Variants in ADAM10 observed in about 807,000 individuals in gnomAD.
ADAM10 encodes the protein disintegrin and metalloproteinase domain-containing protein 10.
A neutral mutation model predicts 90.1 loss-of-function variants in ADAM10; 17 were observed. That is an observed-to-expected ratio of 0.19 (90% confidence interval 0.13 to 0.28). The LOEUF is 0.28. ADAM10 is among the 10% of genes least tolerant of loss of function. The pLI is 1.00. For missense variants in ADAM10, 610 were observed against 914.3 expected, an observed-to-expected ratio of 0.67 and a Z score of 4.29; for synonymous variants, 310 against 298.6, an observed-to-expected ratio of 1.04 and a Z score of -0.40.
At chr15:58,663,117 TACTC>T (rs1328889928) in intron 5 of ADAM10, among the ~76,000 whole-genome samples, 5 of 152,358 alleles carry the variant, frequency 3.3e-5, no homozygotes, top group Middle Eastern at 3.4e-3. Context: ...AGATATCAGT[TACTC>T]TATCACAGCT....
intron 1 of ADAM10, among the ~76,000 whole-genome samples, chr15:58,728,677 T>C (rs1338717649): frequency 6.6e-6 from 1 of 152,156 alleles, no homozygotes; most frequent in African/African-American, 2.4e-5. Context: ...ATAAAATTTA[T>C]AAAGTTACAA....
intron 1 of ADAM10, among the ~76,000 whole-genome samples, chr15:58,719,368 T>C (rs550492802): frequency 2.0e-5 from 3 of 152,286 alleles, no homozygotes; most frequent in Admixed American, 2.0e-4. Context: ...CCTGGTTTCC[T>C]TGTTTCCTTT....
Position 58,592,732 on chromosome 15 carries a change from T to C in ADAM10, c.*4815A>G, listed in dbSNP as rs540357994. 6.7e-6 allele frequency: 1 copy of C among 148,994 alleles called. No individual in the cohort carries two copies. The allele number at this position is 148,994 out of a possible 1,614,324, so 9.2% of individuals were successfully genotyped here. A position where few individuals can be genotyped will look rare whatever the true frequency, so the allele number is the denominator to read the frequency against. ...ATGTGGCTGCATATATGTGGATTTC[T>C]AAGGATGGGACTCTGATTTAATATA... On this transcript the variant is annotated 3_prime_UTR_variant, in exon 16 of 16. Coordinates refer to ENST00000260408, the MANE Select transcript of ADAM10 (RefSeq NM_001110.4).
At chr15:58,734,345 A>C (rs992649878) in intron 1 of ADAM10, among the ~76,000 whole-genome samples, 2 of 152,222 alleles carry the variant, frequency 1.3e-5, no homozygotes, top group African/African-American at 2.4e-5. Context: ...GGTTTGAGTG[A>C]TATGTAACAA....
chr15:58,690,106 A>G (rs1472133424), intron 2 of ADAM10, among the ~76,000 whole-genome samples: 3 of 152,210 alleles, frequency 2.0e-5, no homozygotes, highest in Non-Finnish European at 4.4e-5. Flanking sequence ...AAAATCATCA[A>G]TGTAATTCAC....
chr15:58,699,772 T>C (rs1204143244), intron 2 of ADAM10, among the ~76,000 whole-genome samples: 1 of 151,966 alleles, frequency 6.6e-6, no homozygotes, highest in Admixed American at 6.6e-5. Flanking sequence ...TGAGAGCCCA[T>C]CTCAAAAAAG....
chr15:58,642,088 T>C (rs1043592240), intron 7 of ADAM10, among the ~76,000 whole-genome samples: 2 of 152,244 alleles, frequency 1.3e-5, no homozygotes, highest in African/African-American at 2.4e-5. Context: ...TAGTCCATGC[T>C]TGAAGACATG....
Position 58,622,658 on chromosome 15 carries a change from T to C in ADAM10, c.1361-1037A>G, listed in dbSNP as rs555064343. The stretch of plus-strand genomic sequence containing the variant: ...TGTATTCTCACAGACCTTAATGGTA[T>C]TGAGCCAGATCTTGGTTGATTAAGA... On this transcript the variant is annotated intron_variant, in intron 10 of 15. Coordinates refer to ENST00000260408, the MANE Select transcript of ADAM10 (RefSeq NM_001110.4). Among the ~76,000 whole-genome samples the C allele has an allele frequency of 5.4e-4, 83 of 152,332 alleles. 1 individual carries two copies. The highest frequency in any genetic ancestry group is 1.9e-3 in the African/African-American group (77 of 41,584).
chr15:58,635,055 T>C (rs911366926), intron 8 of ADAM10, among the ~76,000 whole-genome samples: 7 of 151,294 alleles, frequency 4.6e-5, no homozygotes, highest in Admixed American at 3.3e-4. Flanking sequence ...AAAATGTGTT[T>C]CAAAGAAACA....
At chr15:58,649,291 C>T (rs1483315808) in intron 5 of ADAM10, among the ~76,000 whole-genome samples, 1 of 152,156 alleles carries the variant, frequency 6.6e-6, no homozygotes, top group African/African-American at 2.4e-5. Flanking sequence ...AACCTCAGAA[C>T]ACTTAAATTA....
At chr15:58,652,641 C>A (rs1271545734) in intron 5 of ADAM10, among the ~76,000 whole-genome samples, 3 of 152,118 alleles carry the variant, frequency 2.0e-5, no homozygotes, top group Admixed American at 6.5e-5. Context: ...TACTATAGCG[C>A]TACAGTATAA....
At chr15:58,632,944 T>G (rs1435262698) in intron 9 of ADAM10, among the ~76,000 whole-genome samples, 5 of 152,182 alleles carry the variant, frequency 3.3e-5, no homozygotes, top group Non-Finnish European at 7.4e-5. Flanking sequence ...ATATAGATAT[T>G]TTGTCTGAAT....
intron 1 of ADAM10, among the ~76,000 whole-genome samples, chr15:58,728,126 ACTAAAAT>A (rs1245938448): frequency 6.6e-6 from 1 of 152,200 alleles, no homozygotes; most frequent in African/African-American, 2.4e-5. Flanking sequence ...ATTTTAAAAG[ACTAAAAT>A]CTAAGAGTAT....
chr15:58,631,729 A>G (rs578106650), intron 9 of ADAM10, among the ~76,000 whole-genome samples: 8 of 152,344 alleles, frequency 5.3e-5, no homozygotes, highest in African/African-American at 1.7e-4. Flanking sequence ...TGGGGAGAAG[A>G]GAGGACACTT....
chr15:58,628,764 A>G (rs927233968), intron 9 of ADAM10, among the ~76,000 whole-genome samples: 1 of 152,226 alleles, frequency 6.6e-6, no homozygotes. Context: ...CTATTTAATT[A>G]AAATCTTGTT....
intron 2 of ADAM10, among the ~76,000 whole-genome samples, chr15:58,683,428 G>T (rs750915469): frequency 6.6e-6 from 1 of 152,092 alleles, no homozygotes; most frequent in Non-Finnish European, 1.5e-5. Context: ...TCTCTATGGT[G>T]GGAAAACTGG....
rs1340907519 is a variant in ADAM10, at chr15:58,594,442, A to C, written c.*3105T>G. On this transcript the variant is annotated 3_prime_UTR_variant, in exon 16 of 16. Transcript: ENST00000260408. ...GTCGAGTAGTTTGCTCCGCTTGGACAAATCAGATTTCACTATCCTAAGACT... is the reference window on the plus strand; with the variant it reads ...GTCGAGTAGTTTGCTCCGCTTGGACCAATCAGATTTCACTATCCTAAGACT... The C allele has an allele frequency of 6.6e-6, 1 of 152,256 alleles. No homozygotes were observed. The highest frequency in any genetic ancestry group is 1.5e-5 in the Non-Finnish European group (1 of 68,048). The allele number at this position is 152,256 out of a possible 1,614,324, so 9.4% of individuals were successfully genotyped here.
chr15:58,703,081 A>C (rs1275445193), intron 2 of ADAM10, among the ~76,000 whole-genome samples: 4 of 152,144 alleles, frequency 2.6e-5, no homozygotes, highest in African/African-American at 9.7e-5. Flanking sequence ...GTTGGATAAC[A>C]TGTCATGAAA....
Position 58,597,600 on chromosome 15 carries a change from G to A in ADAM10, c.2194C>T (p.Pro732Ser), listed in dbSNP as rs1894993911. 2 of 1,614,012 alleles carry A rather than the reference G, an allele frequency of 1.2e-6. No homozygotes were observed. Among genetic ancestry groups the A allele is most frequent in the African/African-American group, 1.3e-5 (1 of 74,890 alleles). The change falls in exon 16 of 16, where the codon CCC becomes TCC. Residue 732 changes from proline to serine, a missense_variant. Physicochemically the swap from Pro to Ser is moderately conservative, Grantham distance 74. Around this residue, in one of 4 missense-constraint regions of ADAM10, gnomAD observed 150 missense variants for 268.5 expected, o/e 0.56. Transcript: ENST00000260408. ...RRRPPQPIQQPQRQRPRESYQ... is the reference protein window; with the variant it reads ...RRRPPQPIQQSQRQRPRESYQ... Reference sequence around the variant, plus strand: ...CTCTCTCGGGGCCGCTGACGCTGGGGTTGCTGAATGGGCTGTGGAGGTCTC... The same window carrying A: ...CTCTCTCGGGGCCGCTGACGCTGGGATTGCTGAATGGGCTGTGGAGGTCTC...
Sources: gnomAD v4.1 joint callset for allele counts (sites outside exome capture counted in the v4.1 genomes callset) on GRCh38, gnomAD v4.1.1 for gene constraint, gnomAD v4.1.1 regional missense constraint, MANE v1.5 for transcripts, NCBI Gene and HGNC (gene_info 2026-07-23, HGNC 2026-07-21) for gene names.